KIRREL3: variants seen among roughly 807,000 people sequenced by gnomAD.
KIRREL3 encodes the protein kin of IRRE-like protein 3.
A neutral mutation model predicts 89.7 loss-of-function variants in KIRREL3; 36 were observed. That is an observed-to-expected ratio of 0.40 (90% CI 0.31 to 0.53). The LOEUF is 0.53. Among genes scored for constraint, KIRREL3 ranks in the 20% least tolerant of loss-of-function variants. The pLI, the probability that KIRREL3 is intolerant of heterozygous loss-of-function variation, is 0.49. For synonymous variants in KIRREL3, 445 were observed against 441.4 expected (o/e 1.01, Z -0.10); for missense variants, 864 against 1,056.6 (o/e 0.82, Z 2.53).
At chr11:126,779,789 A>G (rs1329929150) in intron 1 of KIRREL3, among the ~76,000 whole-genome samples, 2 of 137,842 alleles carry the variant, frequency 1.5e-5, no homozygotes, top group East Asian at 1.1e-3. Context: ...AGCCATCATT[A>G]TGATGCCTTC....
chr11:126,509,894 G>A (rs1299533487), intron 4 of KIRREL3, among the ~76,000 whole-genome samples: 1 of 145,630 alleles, frequency 6.9e-6, no homozygotes, highest in Admixed American at 7.2e-5. Flanking sequence ...GAGATTCGCA[G>A]GAGAATCACT....
chr11:126,585,783 G>T (rs1358698854), intron 1 of KIRREL3, among the ~76,000 whole-genome samples: 1 of 152,196 alleles, frequency 6.6e-6, no homozygotes, highest in Non-Finnish European at 1.5e-5. Context: ...ACTCTGGGGG[G>T]GCATCTAGCT....
At chr11:126,798,056 T>G (rs1431306665) in intron 1 of KIRREL3, among the ~76,000 whole-genome samples, 1 of 152,088 alleles carries the variant, frequency 6.6e-6, no homozygotes, top group African/African-American at 2.4e-5. Flanking sequence ...ATCTGATGAC[T>G]GTGGAAGTGA....
In KIRREL3 at chr11:126,761,570, G is replaced by A. The variant is rs980774564; in HGVS notation, c.56-198658C>T. On this transcript the variant is annotated intron_variant, in intron 1 of 16. Coordinates refer to ENST00000525144, the MANE Select transcript of KIRREL3 (RefSeq NM_032531.4). This position sits in a 1 kb window ranked among gnomAD's most constrained non-coding sequence, Gnocchi z 4.4. ...TAGTAAACAGGAAGAGGATTTGGAA[G>A]CTAAATGCATGCCTAACTCAAAGGA... 1.3e-5 allele frequency among the ~76,000 whole-genome samples: 2 copies of A among 152,238 alleles called. No homozygotes were observed. The highest frequency in any genetic ancestry group is 2.4e-5 in the African/African-American group (1 of 41,468).
intron 6 of KIRREL3, among the ~76,000 whole-genome samples, chr11:126,457,703 T>G (rs1055696248): frequency 1.3e-5 from 2 of 152,082 alleles, no homozygotes; most frequent in Non-Finnish European, 2.9e-5. Context: ...ACTGACCTGT[T>G]TGCAGAGACT....
rs1383446170 is a variant in KIRREL3, at chr11:126,516,478, T to C, written c.433+4837A>G. Among the ~76,000 whole-genome samples the C allele has an allele frequency of 6.6e-6, 1 of 152,202 alleles. No individual in the cohort carries two copies. Among genetic ancestry groups the C allele is most frequent in the Admixed American group, 6.5e-5 (1 of 15,278 alleles). On this transcript the variant is annotated intron_variant, in intron 4 of 16. Transcript: ENST00000525144. The surrounding 1 kb of genome is among the most constrained non-coding windows in gnomAD (Gnocchi z 4.9). Reference sequence around the variant, plus strand: ...TTTATGGTTTAATCCGTGCATCACTTATCGACCGCCTTCTCTCTGCCAGAA... The same window carrying C: ...TTTATGGTTTAATCCGTGCATCACTCATCGACCGCCTTCTCTCTGCCAGAA...
Position 126,683,913 on chromosome 11 carries a change from C to G in KIRREL3, c.56-121001G>C, listed in dbSNP as rs1946567724. On this transcript the variant is annotated intron_variant, in intron 1 of 16. Transcript: ENST00000525144. The surrounding 1 kb of genome is among the most constrained non-coding windows in gnomAD (Gnocchi z 5.2). ...CCGGGGTCACTGAGTCACTCCTGCC[C>G]AGGTCCCCCTTCAGGGACTGTCGTG... Among the ~76,000 whole-genome samples, 1 of 152,236 alleles carries G rather than the reference C, an allele frequency of 6.6e-6. No homozygotes were observed. Among genetic ancestry groups the G allele is most frequent in the South Asian group, 2.1e-4 (1 of 4,834 alleles).
At chr11:126,857,323 C>A (rs180784424) in intron 1 of KIRREL3, among the ~76,000 whole-genome samples, 1 of 152,258 alleles carries the variant, frequency 6.6e-6, no homozygotes, top group Non-Finnish European at 1.5e-5. Flanking sequence ...GTGCTTCACC[C>A]TCCTGCCTGC....
In KIRREL3 at chr11:126,704,379, G is replaced by A. The variant is rs1045201964; in HGVS notation, c.56-141467C>T. 3.9e-5 allele frequency among the ~76,000 whole-genome samples: 6 copies of A among 152,150 alleles called. No individual in the cohort carries two copies. The highest frequency in any genetic ancestry group is 2.0e-4 in the Admixed American group (3 of 15,276). ...AGGAGAGAGGAGGTGGGGTGGGGCC[G>A]GGAAGAAGTGAGTACTAGCAGAACA... is the stretch of plus-strand genomic sequence containing the variant. On this transcript the variant is annotated intron_variant, in intron 1 of 16. Transcript: ENST00000525144. This position sits in a 1 kb window ranked among gnomAD's most constrained non-coding sequence, Gnocchi z 4.2.
At chr11:126,871,248 C>T (rs1234833009) in intron 1 of KIRREL3, among the ~76,000 whole-genome samples, 4 of 152,242 alleles carry the variant, frequency 2.6e-5, no homozygotes, top group East Asian at 1.9e-4. Context: ...TCCCCCTCAC[C>T]GCTCATAAAG....
chr11:126,975,559 C>T (rs371661067), intron 1 of KIRREL3, among the ~76,000 whole-genome samples: 7 of 152,126 alleles, frequency 4.6e-5, no homozygotes, highest in African/African-American at 1.7e-4. Context: ...TAGAATTCTG[C>T]TCTCTCCACA....
upstream of KIRREL3, among the ~76,000 whole-genome samples, chr11:127,002,623 T>A (rs1461792258): frequency 1.3e-5 from 2 of 152,056 alleles, no homozygotes; most frequent in Non-Finnish European, 1.5e-5. Flanking sequence ...GCCTATGGGG[T>A]TGTTGGGGAG....
Position 126,651,963 on chromosome 11 carries a change from A to T in KIRREL3, c.56-89051T>A, listed in dbSNP as rs992786501. 5.3e-5 allele frequency among the ~76,000 whole-genome samples: 8 copies of T among 152,332 alleles called. No individual in the cohort carries two copies. In the East Asian group the frequency reaches 1.5e-3, roughly 29 times the overall value. Reference sequence around the variant, plus strand: ...CCCTAATGAAAGTTTCTGAATTCAGATATTTAAATGATGGTAGGGTAAGTC... The same window carrying T: ...CCCTAATGAAAGTTTCTGAATTCAGTTATTTAAATGATGGTAGGGTAAGTC... On this transcript the variant is annotated intron_variant, in intron 1 of 16. Coordinates refer to ENST00000525144, the MANE Select transcript of KIRREL3 (RefSeq NM_032531.4). This position sits in a 1 kb window ranked among gnomAD's most constrained non-coding sequence, Gnocchi z 4.6.
chr11:126,857,238 C>T (rs530265742), intron 1 of KIRREL3, among the ~76,000 whole-genome samples: 9 of 152,336 alleles, frequency 5.9e-5, no homozygotes, highest in African/African-American at 1.4e-4. Flanking sequence ...GTGCCCAGCC[C>T]ACCCACCTGT....
intron 1 of KIRREL3, among the ~76,000 whole-genome samples, chr11:126,841,185 A>G (rs908031406): frequency 2.6e-5 from 4 of 152,222 alleles, no homozygotes; most frequent in South Asian, 2.1e-4. Context: ...TATCCCCTGC[A>G]GATAAAGGGG....
At chr11:126,670,157 A>G (rs1358764092) in intron 1 of KIRREL3, among the ~76,000 whole-genome samples, 1 of 152,152 alleles carries the variant, frequency 6.6e-6, no homozygotes, top group Non-Finnish European at 1.5e-5. Context: ...AGTCTTCCCA[A>G]CTGGTCTCCC....
chr11:126,660,661 C>A (rs763294552), intron 1 of KIRREL3, among the ~76,000 whole-genome samples: 7 of 152,052 alleles, frequency 4.6e-5, no homozygotes, highest in Admixed American at 2.0e-4. Flanking sequence ...GACGACCTGA[C>A]CATTCTCAGG....
chr11:126,629,515 G>A, intron 1 of KIRREL3, among the ~76,000 whole-genome samples: 1 of 152,190 alleles, frequency 6.6e-6, no homozygotes, highest in East Asian at 1.9e-4. Flanking sequence ...ACTTTGCACT[G>A]CTCTCTCTAG....
At chr11:126,433,208 G>T (rs1955199732) in intron 13 of KIRREL3, among the ~76,000 whole-genome samples, 1 of 152,242 alleles carries the variant, frequency 6.6e-6, no homozygotes, top group African/African-American at 2.4e-5. Flanking sequence ...GGCCAGGAAA[G>T]TTCCTTTGAA....
Sources: gnomAD v4.1 joint callset for allele counts (sites outside exome capture counted in the v4.1 genomes callset) on GRCh38, gnomAD v4.1.1 for gene constraint, Gnocchi (gnomAD v3.1) non-coding constraint, MANE v1.5 for transcripts, NCBI Gene and HGNC (gene_info 2026-07-23, HGNC 2026-07-21) for gene names.